ATP6V0D1: variants seen among roughly 807,000 people sequenced by gnomAD.
ATP6V0D1 encodes ATPase H+ transporting V0 subunit d1.
ATP6V0D1 carries 13 observed loss-of-function variants against 39.0 expected under a neutral mutation model. The observed-to-expected ratio is 0.33, with a 90% CI of 0.22 to 0.53. The LOEUF (loss-of-function observed/expected upper bound fraction) is 0.53. Among genes scored for constraint, ATP6V0D1 ranks in the 20% least tolerant of loss-of-function variants. The pLI is 0.94. For missense variants in ATP6V0D1, 272 were observed against 470.9 expected (o/e 0.58, Z 3.91); for synonymous variants, 191 against 191.2 (o/e 1.00, Z 0.01).
chr16:67,473,730 A>C (rs1032865113), intron 1 of ATP6V0D1, among the ~76,000 whole-genome samples: 1 of 152,090 alleles, frequency 6.6e-6, no homozygotes, highest in African/African-American at 2.4e-5. Context: ...TCACCGCATT[A>C]GCCAGGATGG....
At chr16:67,466,815 G>C (rs58413092) in intron 1 of ATP6V0D1, among the ~76,000 whole-genome samples, 3 of 152,062 alleles carry the variant, frequency 2.0e-5, no homozygotes, top group Admixed American at 2.0e-4. Context: ...GAAAAGAAAA[G>C]AAAAGAAAGA....
At chr16:67,460,805 C>G (rs1172289141) in intron 1 of ATP6V0D1, among the ~76,000 whole-genome samples, 1 of 152,208 alleles carries the variant, frequency 6.6e-6, no homozygotes, top group East Asian at 1.9e-4. Context: ...CCCCAGCCCC[C>G]TCTGCAGATC....
intron 4 of ATP6V0D1, chr16:67,441,682 C>G (rs1400013110): frequency 6.6e-6 from 1 of 152,254 alleles, no homozygotes; most frequent in African/African-American, 2.4e-5. Flanking sequence ...AGGTGTGATC[C>G]CTGGCGCTGC....
intron 1 of ATP6V0D1, among the ~76,000 whole-genome samples, chr16:67,461,511 T>C (rs1217653297): frequency 6.6e-6 from 1 of 152,168 alleles, no homozygotes; most frequent in Non-Finnish European, 1.5e-5. Flanking sequence ...AGGACAGCTC[T>C]TGCTTCATGG....
intron 2 of ATP6V0D1, among the ~76,000 whole-genome samples, chr16:67,449,900 G>A (rs2041158979): frequency 6.6e-6 from 1 of 152,250 alleles, no homozygotes; most frequent in South Asian, 2.1e-4. Context: ...CAGAAGGGCA[G>A]AGGCAGCCTC....
chr16:67,475,357 T>C (rs1028258981), intron 1 of ATP6V0D1, among the ~76,000 whole-genome samples: 30 of 152,280 alleles, frequency 2.0e-4, no homozygotes, highest in African/African-American at 6.5e-4. Flanking sequence ...CTGCATAAAA[T>C]TGTCTCTTGT....
At chr16:67,457,882 C>A (rs1429283790) in intron 1 of ATP6V0D1, among the ~76,000 whole-genome samples, 1 of 152,198 alleles carries the variant, frequency 6.6e-6, no homozygotes, top group Admixed American at 6.5e-5. Context: ...CAGAGCAAAC[C>A]CGGGAGACTC....
chr16:67,439,260 G>A lies in ATP6V0D1; in HGVS notation c.639+14C>T, dbSNP rs770841088. On this transcript the variant is annotated intron_variant, in intron 5 of 7. Transcript: ENST00000290949. ...AGCGGGCACCAGCAGGCAGGAGGGC[G>A]GGCAGGCACTCACCTCCAGGATGGG... The A allele has an allele frequency of 1.7e-5, 27 of 1,613,934 alleles. No individual in the cohort carries two copies. Among genetic ancestry groups the A allele is most frequent in the Middle Eastern group, 3.3e-4 (2 of 6,022 alleles).
chr16:67,443,450 ACCC>A (rs1173702457), intron 3 of ATP6V0D1: 2 of 419,052 alleles, frequency 4.8e-6, no homozygotes, highest in Non-Finnish European at 8.7e-6. Context: ...GCTGGGGCAG[ACCC>A]AAGCTCAGAC....
At chr16:67,450,373 C>G (rs2041164604) in intron 2 of ATP6V0D1, among the ~76,000 whole-genome samples, 1 of 152,110 alleles carries the variant, frequency 6.6e-6, no homozygotes, top group Non-Finnish European at 1.5e-5. Context: ...CAATCGTGAG[C>G]CCCAGCCTGG....
chr16:67,457,244 G>A (rs1433110755), intron 1 of ATP6V0D1: 6 of 259,898 alleles, frequency 2.3e-5, no homozygotes, highest in African/African-American at 4.5e-5. Flanking sequence ...GCCCATCTCA[G>A]CCTCAGGAAC....
At chr16:67,441,325 C>T (rs1459512875) in intron 4 of ATP6V0D1, 1 of 152,332 alleles carries the variant, frequency 6.6e-6, no homozygotes, top group East Asian at 1.9e-4. Flanking sequence ...CCTAATCTCC[C>T]ATCTGTGGTC....
chr16:67,478,810 G>A (rs1385660032), intron 1 of ATP6V0D1, among the ~76,000 whole-genome samples: 2 of 152,020 alleles, frequency 1.3e-5, no homozygotes, highest in Non-Finnish European at 2.9e-5. Context: ...GATGATAGAG[G>A]GTCCCCTGGG....
chr16:67,439,461 GT>G lies in ATP6V0D1; in HGVS notation c.562-111del, dbSNP rs2041021362. On this transcript the variant is annotated intron_variant, in intron 4 of 7. Transcript: ENST00000290949. The stretch of plus-strand genomic sequence containing the variant: ...CCCTCCCTAGCCCCTTTCAAGGTGG[GT>G]ACAAGCACACCCATGGATGGGCCGG... 4 of 1,024,220 alleles carry G rather than the reference GT, an allele frequency of 3.9e-6. No homozygotes were observed. The South Asian group carries it at 5.4e-5, about 14-fold the overall frequency. 63.4% of individuals were successfully genotyped at this position (1,024,220 alleles called of 1,614,324 possible).
intron 2 of ATP6V0D1, among the ~76,000 whole-genome samples, chr16:67,445,398 G>C (rs1021393713): frequency 3.9e-5 from 6 of 152,190 alleles, no homozygotes; most frequent in Non-Finnish European, 7.4e-5. Flanking sequence ...CAGAGATAGC[G>C]ACAGGAGGAA....
rs1389675388 is a variant in ATP6V0D1 at position 67,447,555 on chromosome 16, G to A, written c.303-2849C>T. On this transcript the variant is annotated intron_variant, in intron 2 of 7. Transcript: ENST00000290949. This position sits in a 1 kb window ranked among gnomAD's most constrained non-coding sequence, Gnocchi z 4.1. Reference sequence around the variant, plus strand: ...CAGCTGGTCAGCATCTCCCTCCAGGGGAAGACAGCTGGGGAGTGGAGGGCC... The same window carrying A: ...CAGCTGGTCAGCATCTCCCTCCAGGAGAAGACAGCTGGGGAGTGGAGGGCC... Among the ~76,000 whole-genome samples the A allele has an allele frequency of 2.0e-5, 3 of 152,202 alleles. No individual in the cohort carries two copies. In the East Asian group the frequency reaches 5.8e-4, roughly 29 times the overall value.
chr16:67,480,809 C>T, intron 1 of ATP6V0D1, 148 bp downstream of exon 1: 1 of 1,207,768 alleles, frequency 8.3e-7, no homozygotes, highest in Non-Finnish European at 1.1e-6. Flanking sequence ...AGGTAGATCC[C>T]GCTCCTGCGC....
At chr16:67,472,555 A>C (rs961333057) in intron 1 of ATP6V0D1, among the ~76,000 whole-genome samples, 1 of 152,192 alleles carries the variant, frequency 6.6e-6, no homozygotes, top group African/African-American at 2.4e-5. Flanking sequence ...CCTTTGACAA[A>C]CAAAATGAAA....
At chr16:67,452,400 A>G in intron 2 of ATP6V0D1, 1 of 1,535,544 alleles carries the variant, frequency 6.5e-7, no homozygotes, top group Non-Finnish European at 8.7e-7. Context: ...TTCTTGAGCA[A>G]GTGGATCCTG....
Sources: gnomAD v4.1 joint callset for allele counts (sites outside exome capture counted in the v4.1 genomes callset) on GRCh38, gnomAD v4.1.1 for gene constraint, Gnocchi (gnomAD v3.1) non-coding constraint, MANE v1.5 for transcripts, NCBI Gene and HGNC (gene_info 2026-07-23, HGNC 2026-07-21) for gene names.